TTYH2: variants seen among roughly 807,000 people sequenced by gnomAD.
The protein encoded by TTYH2 is protein tweety homolog 2.
A neutral mutation model predicts 68.3 loss-of-function variants in TTYH2; 49 were observed. That is an observed-to-expected ratio of 0.72 (90% CI 0.57 to 0.91). The LOEUF is 0.91. Ranked by LOEUF, TTYH2 falls within the 40% of genes least tolerant of loss-of-function variation. The pLI, the probability that TTYH2 is intolerant of heterozygous loss-of-function variation, is 0.00. For synonymous variants in TTYH2, 272 were observed against 300.8 expected (o/e 0.90, Z 0.99); for missense variants, 631 against 700.4 (o/e 0.90, Z 1.12).
rs545420899 is a variant in TTYH2, at chr17:74,247,727, C to T, written c.805-1284C>T. 7.2e-5 allele frequency among the ~76,000 whole-genome samples: 11 copies of T among 152,346 alleles called. 1 individual carries two copies. The highest frequency in any genetic ancestry group is 1.3e-4 in the Non-Finnish European group (9 of 68,028). ...ACTCCAGCCAGGGGGTGGGGGCACA[C>T]CACCAGGCCTGCTGGCGCCGCAGCT... On this transcript the variant is annotated intron_variant, in intron 6 of 13. Transcript: ENST00000269346.
At chr17:74,258,351 C>T (rs918326770) in intron 13 of TTYH2, among the ~76,000 whole-genome samples, 3 of 151,172 alleles carry the variant, frequency 2.0e-5, no homozygotes, top group South Asian at 2.1e-4. Flanking sequence ...CTGCAACCTC[C>T]GCTCCCCAGG....
chr17:74,258,927 A>C (rs1182854891), intron 13 of TTYH2, among the ~76,000 whole-genome samples: 1 of 152,024 alleles, frequency 6.6e-6, no homozygotes, highest in Non-Finnish European at 1.5e-5. Flanking sequence ...CCCTGATGTG[A>C]ATGGCCTGGA....
chr17:74,226,451 G>C (rs1454185265), intron 2 of TTYH2, among the ~76,000 whole-genome samples: 2 of 152,174 alleles, frequency 1.3e-5, no homozygotes, highest in Admixed American at 6.5e-5. Context: ...CACGTGGGAG[G>C]GGGGTTGGGA....
chr17:74,253,971 G>C (rs8069056), intron 13 of TTYH2, 138 bp downstream of exon 13: 330,461 of 856,670 alleles, frequency 0.39, 67,231 homozygotes, highest in African/African-American at 0.54. Context: ...CCAGACCGTC[G>C]TGGGTATCCC....
intron 2 of TTYH2, among the ~76,000 whole-genome samples, chr17:74,228,010 G>T (rs2050349363): frequency 8.8e-6 from 1 of 113,180 alleles, no homozygotes. Flanking sequence ...TTGAGATAGA[G>T]TCTTGCTCTG....
Position 74,253,215 on chromosome 17 carries a change from G to C in TTYH2, c.1394G>C (p.Ser465Thr). The C allele has an allele frequency of 1.9e-6, 3 of 1,613,366 alleles. No homozygotes were observed. Among genetic ancestry groups the C allele is most frequent in the Non-Finnish European group, 2.5e-6 (3 of 1,179,738 alleles). ...SYSSGLGSQT[S>T]LQPPAQTISN... ...AGCAGTGGCCTGGGAAGTCAGACCA[G>C]CCTGCAGCCCCCGGCCCAGACCATC... Residue 465 changes from serine to threonine, a missense_variant, in exon 12 of 14, where the codon AGC (serine) becomes ACC (threonine). Transcript: ENST00000269346.
intron 11 of TTYH2, 123 bp downstream of exon 11, chr17:74,252,499 G>C: frequency 8.1e-7 from 1 of 1,238,420 alleles, no homozygotes; most frequent in Non-Finnish European, 1.1e-6. Flanking sequence ...CAGAGGGCCC[G>C]GGCATTCAGC....
In TTYH2 at chr17:74,217,524, GCTGAGGTTGGGATGAGGAAGCC is replaced by G. The variant is rs1404086207; in HGVS notation, c.129+3810_129+3831del. Among the ~76,000 whole-genome samples, 1 of 152,200 alleles carries G rather than the reference GCTGAGGTTGGGATGAGGAAGCC, an allele frequency of 6.6e-6. No homozygotes were observed. ...CCATCCCAGCCGAGATCTGAGAAGA[GCTGAGGTTGGGATGAGGAAGCC>G]CCATTCATCCAGTGTGAAATTGAGT... On this transcript the variant is annotated intron_variant, in intron 1 of 13. Coordinates refer to ENST00000269346, the MANE Select transcript of TTYH2 (RefSeq NM_032646.6). The surrounding 1 kb of genome is among the most constrained non-coding windows in gnomAD (Gnocchi z 4.0).
chr17:74,234,898 G>A (rs2050427413), intron 3 of TTYH2, among the ~76,000 whole-genome samples: 1 of 152,110 alleles, frequency 6.6e-6, no homozygotes, highest in African/African-American at 2.4e-5. Flanking sequence ...CAAAGTGGTT[G>A]TACATTTATC....
chr17:74,220,844 TG>T (rs2050268948), intron 1 of TTYH2, among the ~76,000 whole-genome samples: 1 of 151,916 alleles, frequency 6.6e-6, no homozygotes, highest in African/African-American at 2.4e-5. Context: ...CGGAGTGCAG[TG>T]GTGCAATCAT....
At chr17:74,247,974 T>A (rs2050577845) in intron 6 of TTYH2, 1 of 152,232 alleles carries the variant, frequency 6.6e-6, no homozygotes, top group African/African-American at 2.4e-5. Flanking sequence ...AGTGCTGTGA[T>A]GCACTAACCT....
rs375137686 is a variant in TTYH2 at position 74,215,561 on chromosome 17, T to C, written c.129+1845T>C. 5.9e-4 allele frequency: 855 copies of C among 1,455,356 alleles called. 6 individuals carry two copies. In the African/African-American group the frequency reaches 0.011, roughly 19 times the overall value. 90.2% of individuals were successfully genotyped at this position (1,455,356 alleles called of 1,614,324 possible). A position where few individuals can be genotyped will look rare whatever the true frequency, so the allele number is the denominator to read the frequency against. The stretch of plus-strand genomic sequence containing the variant: ...GAGGGTGTCCCTTCCCATCGGCCAC[T>C]GCTCCTGGGCAGCTGACACCAGCCC... On this transcript the variant is annotated intron_variant, in intron 1 of 13. Coordinates refer to ENST00000269346, the MANE Select transcript of TTYH2 (RefSeq NM_032646.6). This position sits in a 1 kb window ranked among gnomAD's most constrained non-coding sequence, Gnocchi z 4.3.
intron 6 of TTYH2, chr17:74,248,778 T>C: frequency 7.1e-7 from 1 of 1,411,270 alleles, no homozygotes; most frequent in Non-Finnish European, 9.2e-7. Flanking sequence ...CATTATCATC[T>C]CCATGTCACA....
rs201004275 is a variant in TTYH2 at position 74,249,412 on chromosome 17, G to A, written c.930+13G>A. The A allele has an allele frequency of 2.4e-4, 391 of 1,613,278 alleles. No homozygotes were observed. The highest frequency in any genetic ancestry group is 3.1e-4 in the Non-Finnish European group (361 of 1,179,960). ...CCCCTTCCAGCAGGTATGGCCCCCC[G>A]AGGCCTGCCCTCACCCTGCCCACAG... is the stretch of plus-strand genomic sequence containing the variant. On this transcript the variant is annotated intron_variant, in intron 8 of 13. Transcript: ENST00000269346.
Position 74,217,682 on chromosome 17 carries a change from C to G in TTYH2, c.129+3966C>G, listed in dbSNP as rs1008995516. 2.2e-4 allele frequency among the ~76,000 whole-genome samples: 33 copies of G among 152,304 alleles called. No homozygotes were observed. Among genetic ancestry groups the G allele is most frequent in the African/African-American group, 7.7e-4 (32 of 41,566 alleles). On this transcript the variant is annotated intron_variant, in intron 1 of 13. Coordinates refer to ENST00000269346, the MANE Select transcript of TTYH2 (RefSeq NM_032646.6). This position sits in a 1 kb window ranked among gnomAD's most constrained non-coding sequence, Gnocchi z 4.0. Reference sequence around the variant, plus strand: ...CTCCTAGTTTCCCTCTCCCAGCCTCCCCCTGAGACCGGCACACCTCTCTCT... The same window carrying G: ...CTCCTAGTTTCCCTCTCCCAGCCTCGCCCTGAGACCGGCACACCTCTCTCT...
chr17:74,231,134 C>T, intron 3 of TTYH2, 135 bp downstream of exon 3: 2 of 786,476 alleles, frequency 2.5e-6, no homozygotes, highest in Middle Eastern at 7.7e-4. Context: ...GGCTGGACCC[C>T]CGCCTGCGCT....
At chr17:74,225,907 C>T (rs1461577705) in intron 2 of TTYH2, among the ~76,000 whole-genome samples, 1 of 152,206 alleles carries the variant, frequency 6.6e-6, no homozygotes, top group Non-Finnish European at 1.5e-5. Context: ...TAAAATCAGG[C>T]CATCAGGGAG....
intron 12 of TTYH2, 88 bp downstream of exon 12, chr17:74,253,354 G>T: frequency 1.4e-6 from 2 of 1,456,402 alleles, no homozygotes; most frequent in Non-Finnish European, 9.1e-7. Flanking sequence ...GGGGAGGAAG[G>T]CATCCAAGGC....
At chr17:74,231,515 C>T (rs142370575) in intron 3 of TTYH2, among the ~76,000 whole-genome samples, 1 of 152,156 alleles carries the variant, frequency 6.6e-6, no homozygotes, top group African/African-American at 2.4e-5. Flanking sequence ...TGGCAAAACC[C>T]TGTCTGTACC....
Sources: allele counts gnomAD v4.1 joint callset (sites outside exome capture counted in the v4.1 genomes callset), GRCh38; gene constraint gnomAD v4.1.1; non-coding constraint Gnocchi (gnomAD v3.1); transcripts MANE v1.5; gene names NCBI Gene and HGNC (gene_info 2026-07-23, HGNC 2026-07-21).